The following ATP2B2 variants were observed in gnomAD, a reference collection of about 807,000 sequenced individuals.
The protein encoded by ATP2B2 is ATPase plasma membrane Ca2+ transporting 2, also known as plasma membrane calcium-transporting ATPase 2.
A neutral mutation model predicts 120.0 loss-of-function variants in ATP2B2; 15 were observed. The observed-to-expected ratio is 0.12, with a 90% CI of 0.08 to 0.19. ATP2B2 has a LOEUF of 0.19. Among genes scored for constraint, ATP2B2 ranks in the 10% least tolerant of loss-of-function variants. The pLI, the probability that ATP2B2 is intolerant of heterozygous loss-of-function variation, is 1.00. For missense variants in ATP2B2, 1,045 were observed against 1,719.8 expected, an observed-to-expected ratio of 0.61 and a Z score of 6.94; for synonymous variants, 694 against 700.3, an observed-to-expected ratio of 0.99 and a Z score of 0.14.
chr3:10,518,934 C>CG (rs2066928602), intron 3 of ATP2B2, among the ~76,000 whole-genome samples: 1 of 152,234 alleles, frequency 6.6e-6, no homozygotes, highest in South Asian at 2.1e-4. Flanking sequence ...CCAGGCTGGG[C>CG]TGTGGTGAAG....
At chr3:10,470,536 G>T (rs183036750) in intron 1 of ATP2B2, among the ~76,000 whole-genome samples, 4 of 152,320 alleles carry the variant, frequency 2.6e-5, no homozygotes, top group Non-Finnish European at 5.9e-5. Context: ...ACTGGGGCAG[G>T]GGGTGAGGGG....
At chr3:10,603,766 A>G (rs1182698268) in intron 2 of ATP2B2, among the ~76,000 whole-genome samples, 1 of 152,182 alleles carries the variant, frequency 6.6e-6, no homozygotes, top group African/African-American at 2.4e-5. Flanking sequence ...TTCTGGCATT[A>G]CATATCAATC....
At chr3:10,466,453 T>A (rs534028563) in intron 1 of ATP2B2, among the ~76,000 whole-genome samples, 1 of 152,206 alleles carries the variant, frequency 6.6e-6, no homozygotes, top group African/African-American at 2.4e-5. Context: ...GTCTAGACTA[T>A]GTGTGTGTGG....
Position 10,398,564 on chromosome 3 carries a change from G to A in ATP2B2, c.781+2389C>T, listed in dbSNP as rs761576554. Among the ~76,000 whole-genome samples the A allele has an allele frequency of 4.0e-4, 61 of 152,200 alleles. 1 individual carries two copies. Among genetic ancestry groups the A allele is most frequent in the Non-Finnish European group, 1.5e-4 (10 of 68,028 alleles). On this transcript the variant is annotated intron_variant, in intron 5 of 22. Coordinates refer to ENST00000360273, the MANE Select transcript of ATP2B2 (RefSeq NM_001001331.4). The stretch of plus-strand genomic sequence containing the variant: ...CTCACTGGGATCCCTGCTGAGACAT[G>A]GAATGCCTTCTGTCTGTCCCCAGTC...
At chr3:10,665,154 CT>C (rs1164029428) in intron 1 of ATP2B2, among the ~76,000 whole-genome samples, 3 of 152,338 alleles carry the variant, frequency 2.0e-5, no homozygotes, top group Admixed American at 6.5e-5. Context: ...TCTGAGCCCC[CT>C]GAAGCTTCCC....
intron 2 of ATP2B2, among the ~76,000 whole-genome samples, chr3:10,549,869 C>T (rs1311184312): frequency 6.6e-6 from 1 of 152,156 alleles, no homozygotes; most frequent in Non-Finnish European, 1.5e-5. Flanking sequence ...GGGGAGGGGC[C>T]CACTGAGGGG....
intron 12 of ATP2B2, among the ~76,000 whole-genome samples, chr3:10,369,466 C>A (rs187135893): frequency 3.9e-5 from 6 of 152,334 alleles, no homozygotes; most frequent in Middle Eastern, 3.4e-3. Context: ...CAGCAGCTAG[C>A]TTTAGGGCAT....
In ATP2B2 at chr3:10,410,679, C is replaced by T; in HGVS notation, c.336G>A (p.Glu112=). 1 of 1,614,160 alleles carries T rather than the reference C, an allele frequency of 6.2e-7. No individual in the cohort carries two copies. The highest frequency in any genetic ancestry group is 8.5e-7 in the Non-Finnish European group (1 of 1,179,974). Residue 112 remains glutamate (E), a synonymous_variant, in exon 3 of 23, where the codon GAG becomes GAA. Transcript: ENST00000360273. ...ALQDVTLIIL[E]IAAIISLGLS... Reference sequence around the variant, plus strand: ...GCCCCAGGGAGATGATGGCGGCAATCTCCAGGATGATGAGCGTCACGTCCT... The same window carrying T: ...GCCCCAGGGAGATGATGGCGGCAATTTCCAGGATGATGAGCGTCACGTCCT...
intron 1 of ATP2B2, among the ~76,000 whole-genome samples, chr3:10,676,586 G>C (rs778470430): frequency 5.3e-5 from 8 of 152,092 alleles, no homozygotes; most frequent in Non-Finnish European, 1.2e-4. Flanking sequence ...CTTTCTGGGA[G>C]ACAATTTGAC....
chr3:10,393,026 C>A (rs116029760), intron 5 of ATP2B2, among the ~76,000 whole-genome samples: 1 of 152,190 alleles, frequency 6.6e-6, no homozygotes, highest in Non-Finnish European at 1.5e-5. Flanking sequence ...CTTCACTTGA[C>A]GGACAGACAT....
Position 10,402,827 on chromosome 3 carries a change from C to T in ATP2B2, c.398-479G>A, listed in dbSNP as rs1196101018. 1.3e-5 allele frequency among the ~76,000 whole-genome samples: 2 copies of T among 151,754 alleles called. No individual in the cohort carries two copies. Among genetic ancestry groups the T allele is most frequent in the Admixed American group, 6.5e-5 (1 of 15,282 alleles). ...AATGTGGTAAAGTTCACAGACTCTA[C>T]AGCACAGACAAGGCACAGAGGAGAG... On this transcript the variant is annotated intron_variant, in intron 3 of 22. Coordinates refer to ENST00000360273, the MANE Select transcript of ATP2B2 (RefSeq NM_001001331.4). This position sits in a 1 kb window ranked among gnomAD's most constrained non-coding sequence, Gnocchi z 4.9.
chr3:10,407,487 C>T (rs2062455602), intron 3 of ATP2B2, among the ~76,000 whole-genome samples: 1 of 152,216 alleles, frequency 6.6e-6, no homozygotes, highest in Non-Finnish European at 1.5e-5. Context: ...TTCTGTAGAA[C>T]TTCCTGAGTC....
rs2060235527 is a variant in ATP2B2 at position 10,340,213 on chromosome 3, G to A, written c.3237+29C>T. The A allele has an allele frequency of 5.0e-6, 8 of 1,604,442 alleles. No homozygotes were observed. Among genetic ancestry groups the A allele is most frequent in the African/African-American group, 1.3e-5 (1 of 74,758 alleles). On this transcript the variant is annotated intron_variant, in intron 21 of 22. Coordinates refer to ENST00000360273, the MANE Select transcript of ATP2B2 (RefSeq NM_001001331.4). The surrounding 1 kb of genome is among the most constrained non-coding windows in gnomAD (Gnocchi z 5.0). ...GCTGTCTCCCTTGCCCTGCTAACAGGCACCTCCTGCGACCTACCAGGAACT... is the reference window on the plus strand; with the variant it reads ...GCTGTCTCCCTTGCCCTGCTAACAGACACCTCCTGCGACCTACCAGGAACT...
At chr3:10,404,655 C>T (rs1282031483) in intron 3 of ATP2B2, among the ~76,000 whole-genome samples, 1 of 152,176 alleles carries the variant, frequency 6.6e-6, no homozygotes, top group Admixed American at 6.5e-5. Context: ...GCCCACATTA[C>T]AGAAGGAGCT....
chr3:10,666,578 G>A (rs1255634361), intron 1 of ATP2B2, among the ~76,000 whole-genome samples: 1 of 152,208 alleles, frequency 6.6e-6, no homozygotes, highest in Non-Finnish European at 1.5e-5. Context: ...GCGGCCTCTT[G>A]TTCAGTAAGG....
At chr3:10,475,618 AC>A (rs2125301176) in intron 1 of ATP2B2, among the ~76,000 whole-genome samples, 1 of 152,168 alleles carries the variant, frequency 6.6e-6, no homozygotes, top group African/African-American at 2.4e-5. Flanking sequence ...AGGGATCACT[AC>A]ACATGCCTGC....
chr3:10,486,525 T>C (rs1237247500), intron 1 of ATP2B2, among the ~76,000 whole-genome samples: 1 of 152,104 alleles, frequency 6.6e-6, no homozygotes, highest in East Asian at 1.9e-4. Flanking sequence ...TCTTTAAACG[T>C]GCCCAGTATG....
intron 2 of ATP2B2, among the ~76,000 whole-genome samples, chr3:10,539,403 C>T (rs1196283093): frequency 1.3e-5 from 2 of 152,132 alleles, no homozygotes; most frequent in Non-Finnish European, 2.9e-5. Context: ...AAAAAAGAGC[C>T]CACATTTCTA....
chr3:10,548,844 C>T (rs1335628238), intron 2 of ATP2B2, among the ~76,000 whole-genome samples: 1 of 152,186 alleles, frequency 6.6e-6, no homozygotes, highest in African/African-American at 2.4e-5. Flanking sequence ...AAATGACTTT[C>T]CCAGCGTAAC....
Sources: gnomAD v4.1 joint callset for allele counts (sites outside exome capture counted in the v4.1 genomes callset) on GRCh38, gnomAD v4.1.1 for gene constraint, Gnocchi (gnomAD v3.1) non-coding constraint, MANE v1.5 for transcripts, NCBI Gene and HGNC (gene_info 2026-07-23, HGNC 2026-07-21) for gene names.